TMSB15B: variants seen among roughly 807,000 people sequenced by gnomAD.
The protein encoded by TMSB15B is thymosin beta-15B.
chrX:103,955,864 T>A (rs1489064013), intron 1 of TMSB15B, among the ~76,000 whole-genome samples: 19 of 110,771 alleles, frequency 1.7e-4, no homozygotes, highest in African/African-American at 5.6e-4. Context: ...ATAGTCAAAA[T>A]GAAAGAAAAA....
intron 1 of TMSB15B, among the ~76,000 whole-genome samples, chrX:103,936,658 T>C (rs2074998765): frequency 8.9e-6 from 1 of 112,005 alleles, no homozygotes; most frequent in Non-Finnish European, 1.9e-5. Context: ...TGCCTGATTG[T>C]CCTGGCCAGA....
intron 1 of TMSB15B, among the ~76,000 whole-genome samples, chrX:103,952,869 C>T (rs1231776245): frequency 9.0e-6 from 1 of 111,458 alleles, no homozygotes; most frequent in Admixed American, 9.5e-5. Flanking sequence ...CTTCATTTTG[C>T]TCCTTCGCTG....
rs189551834 is a variant in TMSB15B at position 103,920,409 on chromosome X, G to A, written c.-721+1117G>A. On this transcript the variant is annotated intron_variant, in intron 1 of 3. Transcript: ENST00000419165. ...TTTAAACAGCCCCATAGTTGATTCT[G>A]AGGTGTAGAGAGATTCGTGAACCAC... Among the ~76,000 whole-genome samples the A allele has an allele frequency of 3.8e-3, 425 of 112,052 alleles. 3 individuals are homozygous for A. Among genetic ancestry groups the A allele is most frequent in the Non-Finnish European group, 6.3e-3 (333 of 53,199 alleles).
At chrX:103,940,682 G>T (rs1474976605) in intron 1 of TMSB15B, among the ~76,000 whole-genome samples, 1 of 110,941 alleles carries the variant, frequency 9.0e-6, no homozygotes, top group Non-Finnish European at 1.9e-5. Flanking sequence ...CTGTCTCACT[G>T]GTGTTCCAGG....
chrX:103,929,735 G>A lies in TMSB15B; in HGVS notation c.-721+10443G>A, dbSNP rs2074979181. On this transcript the variant is annotated intron_variant, in intron 1 of 3. Transcript: ENST00000419165. ...TGCTATAGTCTGCTTGGTGTTATCT[G>A]TTAGGACATTTCTGAGAGCAAGGTG... 2.7e-5 allele frequency among the ~76,000 whole-genome samples: 3 copies of A among 111,727 alleles called. No individual in the cohort carries two copies. In the Admixed American group the frequency reaches 2.8e-4, roughly 11 times the overall value.
chrX:103,927,624 C>CTGTTAAA (rs1322085794), intron 1 of TMSB15B, among the ~76,000 whole-genome samples: 1 of 107,490 alleles, frequency 9.3e-6, no homozygotes, highest in East Asian at 2.9e-4. Flanking sequence ...TGCACTTCAA[C>CTGTTAAA]TGTTAAATGC....
chrX:103,942,260 A>G (rs1437072309), intron 1 of TMSB15B, among the ~76,000 whole-genome samples: 1 of 111,865 alleles, frequency 8.9e-6, no homozygotes, highest in Non-Finnish European at 1.9e-5. Flanking sequence ...TTTCACATCT[A>G]TGTTTTTAAT....
chrX:103,943,401 A>C (rs1199189155), intron 1 of TMSB15B, among the ~76,000 whole-genome samples: 1 of 112,187 alleles, frequency 8.9e-6, no homozygotes, highest in Non-Finnish European at 1.9e-5. Context: ...CCTGCCCTCC[A>C]AACATGTTCG....
intron 1 of TMSB15B, among the ~76,000 whole-genome samples, chrX:103,950,552 T>C (rs2075036592): frequency 9.1e-6 from 1 of 110,150 alleles, no homozygotes; most frequent in South Asian, 4.0e-4. Flanking sequence ...AAAAGAGATT[T>C]GCATCAAAGG....
At chrX:103,923,000 G>A (rs2074958101) in intron 1 of TMSB15B, among the ~76,000 whole-genome samples, 1 of 112,426 alleles carries the variant, frequency 8.9e-6, no homozygotes, top group Admixed American at 9.4e-5. Flanking sequence ...CTGCATAAAT[G>A]TCTTCTTTTG....
At chrX:103,944,705 A>G (rs1343219464) in intron 1 of TMSB15B, among the ~76,000 whole-genome samples, 1 of 112,277 alleles carries the variant, frequency 8.9e-6, no homozygotes, top group Non-Finnish European at 1.9e-5. Flanking sequence ...TTGTTTGAAG[A>G]CTTCCAGAAT....
chrX:103,923,166 T>C (rs1364848264), intron 1 of TMSB15B, among the ~76,000 whole-genome samples: 20 of 112,096 alleles, frequency 1.8e-4, no homozygotes, highest in Non-Finnish European at 3.0e-4. Flanking sequence ...CTATTCACTC[T>C]GATGGTAGTT....
chrX:103,937,539 C>G (rs1276628354), intron 1 of TMSB15B, among the ~76,000 whole-genome samples: 1 of 111,492 alleles, frequency 9.0e-6, no homozygotes, highest in Non-Finnish European at 1.9e-5. Context: ...TTTATTGTGT[C>G]TATTTGATTC....
chrX:103,930,501 TG>T (rs1337007571), intron 1 of TMSB15B, among the ~76,000 whole-genome samples: 1 of 110,668 alleles, frequency 9.0e-6, no homozygotes, highest in Non-Finnish European at 1.9e-5. Context: ...CAGGGATTCT[TG>T]TATGCATTTT....
chrX:103,937,869 T>C (rs1307000524), intron 1 of TMSB15B, among the ~76,000 whole-genome samples: 1 of 112,050 alleles, frequency 8.9e-6, no homozygotes, highest in African/African-American at 3.2e-5. Context: ...GTACGTTTTG[T>C]CTTTGTTCTC....
chrX:103,952,868 G>A (rs2075042300), intron 1 of TMSB15B, among the ~76,000 whole-genome samples: 1 of 111,452 alleles, frequency 9.0e-6, no homozygotes, highest in Admixed American at 9.5e-5. Flanking sequence ...GCTTCATTTT[G>A]CTCCTTCGCT....
intron 1 of TMSB15B, among the ~76,000 whole-genome samples, chrX:103,949,755 C>A (rs1230352746): frequency 8.9e-6 from 1 of 111,746 alleles, no homozygotes; most frequent in African/African-American, 3.3e-5. Context: ...GAAGATCTGG[C>A]CTGCAGACAT....
At chrX:103,926,311 T>A (rs1387683151) in intron 1 of TMSB15B, among the ~76,000 whole-genome samples, 1 of 100,729 alleles carries the variant, frequency 9.9e-6, no homozygotes, top group Admixed American at 1.1e-4. Flanking sequence ...TGTGGGAAAA[T>A]GGATGGAGCA....
At chrX:103,955,813 C>T (rs1359105436) in intron 1 of TMSB15B, among the ~76,000 whole-genome samples, 3 of 111,284 alleles carry the variant, frequency 2.7e-5, no homozygotes, top group Non-Finnish European at 5.7e-5. Context: ...AGATACTCCA[C>T]GAGAAGTTCA....
Sources: gnomAD v4.1 joint callset for allele counts (sites outside exome capture counted in the v4.1 genomes callset) on GRCh38, gnomAD v4.1.1 for gene constraint, MANE v1.5 for transcripts, NCBI Gene and HGNC (gene_info 2026-07-23, HGNC 2026-07-21) for gene names.